The following MYT1 variants were observed in gnomAD, a reference collection of about 807,000 sequenced individuals.
MYT1 encodes the protein myelin transcription factor 1.
A neutral mutation model predicts 123.0 loss-of-function variants in MYT1; 23 were observed. The ratio of observed to expected loss-of-function variants is 0.19; its 90% CI spans 0.13 to 0.26. The LOEUF is 0.26. Ranked by LOEUF, MYT1 falls within the 10% of genes least tolerant of loss-of-function variation. The pLI is 1.00. For synonymous variants in MYT1, 518 were observed against 575.3 expected, an observed-to-expected ratio of 0.90 and a Z score of 1.43; for missense variants, 1,125 against 1,472.5, an observed-to-expected ratio of 0.76 and a Z score of 3.86.
chr20:64,236,731 A>C, intron 20 of MYT1, 85 bp downstream of exon 20: 1 of 1,195,526 alleles, frequency 8.4e-7, no homozygotes, highest in East Asian at 2.3e-5. Context: ...TGGTGGGAAG[A>C]AGGTTAGGGA....
Position 64,186,960 on chromosome 20 carries a change from C to T in MYT1, c.-98-3103C>T, listed in dbSNP as rs1171124681. 6.8e-6 allele frequency among the ~76,000 whole-genome samples: 1 copy of T among 148,024 alleles called. No individual in the cohort carries two copies. Among genetic ancestry groups the T allele is most frequent in the East Asian group, 2.0e-4 (1 of 4,932 alleles). ...TCCTGTAGCACGTGGCTCCGGCATC[C>T]ACGTTTCCGTGGAGAGTTTTCCTGT... On this transcript the variant is annotated intron_variant, in intron 1 of 22. Coordinates refer to ENST00000328439, the MANE Select transcript of MYT1 (RefSeq NM_004535.3). The surrounding 1 kb of genome is among the most constrained non-coding windows in gnomAD (Gnocchi z 4.3).
At chr20:64,227,619 A>C (rs1226511569) in intron 17 of MYT1, 142 bp downstream of exon 17, 1 of 875,342 alleles carries the variant, frequency 1.1e-6, no homozygotes, top group East Asian at 2.7e-5. Context: ...CCATTTCCAG[A>C]ACCTGATTAA....
chr20:64,201,884 C>CTGTCGGGAACCTCTGCG (rs1983314627), intron 4 of MYT1, among the ~76,000 whole-genome samples: 1 of 140,454 alleles, frequency 7.1e-6, no homozygotes, highest in African/African-American at 3.0e-5. Flanking sequence ...ACAGAGTCAC[C>CTGTCGGGAACCTCTGCG]TGTCGGGAAC....
intron 18 of MYT1, 113 bp downstream of exon 18, chr20:64,228,084 C>G: frequency 1.0e-6 from 1 of 985,948 alleles, no homozygotes; most frequent in Non-Finnish European, 1.5e-6. Context: ...CAACGGGTCA[C>G]CTAACTGACC....
At chr20:64,223,797 G>A (rs1297682871) in intron 16 of MYT1, among the ~76,000 whole-genome samples, 2 of 152,160 alleles carry the variant, frequency 1.3e-5, no homozygotes, top group African/African-American at 4.8e-5. Context: ...TGAACTGAAC[G>A]CTGATAATGA....
intron 18 of MYT1, among the ~76,000 whole-genome samples, chr20:64,229,304 T>C (rs1984258666): frequency 6.6e-6 from 1 of 152,258 alleles, no homozygotes; most frequent in African/African-American, 2.4e-5. Flanking sequence ...AACACCTTTA[T>C]GGATTTGGCA....
intron 16 of MYT1, among the ~76,000 whole-genome samples, chr20:64,225,517 C>T (rs1201127907): frequency 1.3e-5 from 2 of 152,248 alleles, no homozygotes; most frequent in Non-Finnish European, 2.9e-5. Flanking sequence ...CAACCACACA[C>T]ACCTGCCAGG....
At position 64,186,432 on chromosome 20, in the gene MYT1, G is replaced by A. The variant is rs146881871; in HGVS notation, c.-98-3631G>A. 2.3e-4 allele frequency among the ~76,000 whole-genome samples: 35 copies of A among 152,312 alleles called. No individual in the cohort carries two copies. Among genetic ancestry groups the A allele is most frequent in the Admixed American group, 1.9e-3 (29 of 15,298 alleles). ...CTCAATAACCCAAGAGAACAGGCTC[G>A]TCTGGATGAAAACCTCCACTTCACT... On this transcript the variant is annotated intron_variant, in intron 1 of 22. Transcript: ENST00000328439. This position sits in a 1 kb window ranked among gnomAD's most constrained non-coding sequence, Gnocchi z 4.3.
rs1007638722 is a variant in MYT1, at chr20:64,191,752, G to T, written c.-1+1592G>T. 1 of 152,200 alleles carries T rather than the reference G, an allele frequency of 6.6e-6. No individual in the cohort carries two copies. Among genetic ancestry groups the T allele is most frequent in the Non-Finnish European group, 1.5e-5 (1 of 68,032 alleles). The allele number at this position is 152,200 out of a possible 1,614,324, so 9.4% of individuals were successfully genotyped here. ...ATCAGTGCTCTGCTGATCCATGTTG[G>T]AGCCTGGGGCACAAGGAAGAGTCAG... On this transcript the variant is annotated intron_variant, in intron 2 of 22. Coordinates refer to ENST00000328439, the MANE Select transcript of MYT1 (RefSeq NM_004535.3). The surrounding 1 kb of genome is among the most constrained non-coding windows in gnomAD (Gnocchi z 4.1).
rs1336259892 is a variant in MYT1, at chr20:64,166,568, G to T, written c.-99+1829G>T. The stretch of plus-strand genomic sequence containing the variant: ...TTCAGAGACCCGAGGCAGGGGGGCT[G>T]CTTCTGTCCAAAGTGCCACTCGAGG... On this transcript the variant is annotated intron_variant, in intron 1 of 22. Transcript: ENST00000328439. This position sits in a 1 kb window ranked among gnomAD's most constrained non-coding sequence, Gnocchi z 4.9. 2.0e-5 allele frequency among the ~76,000 whole-genome samples: 3 copies of T among 152,186 alleles called. No homozygotes were observed. The highest frequency in any genetic ancestry group is 2.9e-5 in the Non-Finnish European group (2 of 68,026).
chr20:64,202,134 TG>T lies in MYT1; in HGVS notation c.86+2213del, dbSNP rs1425021167. On this transcript the variant is annotated intron_variant, in intron 4 of 22. Coordinates refer to ENST00000328439, the MANE Select transcript of MYT1 (RefSeq NM_004535.3). The surrounding 1 kb of genome is among the most constrained non-coding windows in gnomAD (Gnocchi z 5.0). ...TGGCTCAGAACTTCACAGCCTGCAG[TG>T]CCCCTAACCCCAGCTCGCCTCCCCA... is the stretch of plus-strand genomic sequence containing the variant. Among the ~76,000 whole-genome samples the T allele has an allele frequency of 6.6e-6, 1 of 152,190 alleles. No individual in the cohort carries two copies. The highest frequency in any genetic ancestry group is 1.5e-5 in the Non-Finnish European group (1 of 68,036).
At chr20:64,222,387 GCCCTCT>G (rs2145725738) in intron 14 of MYT1, among the ~76,000 whole-genome samples, 1 of 152,336 alleles carries the variant, frequency 6.6e-6, no homozygotes, top group East Asian at 1.9e-4. Flanking sequence ...CAGAGGCCTG[GCCCTCT>G]CCCTGAGGCC....
chr20:64,215,716 C>G (rs1193651623), intron 10 of MYT1, among the ~76,000 whole-genome samples: 1 of 151,720 alleles, frequency 6.6e-6, no homozygotes, highest in Non-Finnish European at 1.5e-5. Context: ...TCCCGAGTAC[C>G]TAGGAATACA....
chr20:64,227,308 G>A (rs774357140), intron 16 of MYT1, 107 bp from the exon 17 acceptor site: 16 of 932,228 alleles, frequency 1.7e-5, no homozygotes, highest in East Asian at 2.6e-5. Context: ...GTGGGTGGGC[G>A]CACTCAAGGG....
At position 64,205,116 on chromosome 20, in the gene MYT1, C is replaced by A. The variant is rs769950194; in HGVS notation, c.149+19C>A. On this transcript the variant is annotated intron_variant, in intron 5 of 22. Transcript: ENST00000328439. ...ACCGAAGGTAAGAGGACCCTTGGAT[C>A]TCACGGAGATTCCTGGGCGGTAGAT... The A allele has an allele frequency of 1.9e-6, 3 of 1,613,656 alleles. No individual in the cohort carries two copies. In the South Asian group the frequency reaches 3.3e-5, roughly 18 times the overall value.
intron 13 of MYT1, among the ~76,000 whole-genome samples, chr20:64,221,432 G>C (rs113928250): frequency 6.6e-6 from 1 of 152,216 alleles, no homozygotes; most frequent in Non-Finnish European, 1.5e-5. Flanking sequence ...AGGTGGTTTC[G>C]AGGTTACTGC....
At chr20:64,207,146 A>G (rs978447793) in intron 6 of MYT1, among the ~76,000 whole-genome samples, 1 of 152,138 alleles carries the variant, frequency 6.6e-6, no homozygotes, top group African/African-American at 2.4e-5. Context: ...GGCCTCCCAA[A>G]GTCCTGGGAT....
intron 19 of MYT1, among the ~76,000 whole-genome samples, chr20:64,235,785 T>C (rs1280119348): frequency 0.014 from 490 of 34,196 alleles, 14 homozygotes; most frequent in African/African-American, 0.024. Flanking sequence ...CTGGGATGGC[T>C]GTGGTGGGTG....
In MYT1 at chr20:64,213,448, C is replaced by A. The variant is rs570841445; in HGVS notation, c.1518-86C>A. 1.4e-5 allele frequency: 14 copies of A among 997,972 alleles called. No individual in the cohort carries two copies. In the South Asian group the frequency reaches 1.9e-4, roughly 14 times the overall value. 61.8% of individuals were successfully genotyped at this position (997,972 alleles called of 1,614,324 possible). ...GAGTTCTCACATCTGAATGACCTTGCCGTGAGACACCCACACACACAGACA... is the reference window on the plus strand; with the variant it reads ...GAGTTCTCACATCTGAATGACCTTGACGTGAGACACCCACACACACAGACA... On this transcript the variant is annotated intron_variant, in intron 9 of 22. Transcript: ENST00000328439. This position sits in a 1 kb window ranked among gnomAD's most constrained non-coding sequence, Gnocchi z 5.6.
Sources: allele counts gnomAD v4.1 joint callset (sites outside exome capture counted in the v4.1 genomes callset), GRCh38; gene constraint gnomAD v4.1.1; non-coding constraint Gnocchi (gnomAD v3.1); transcripts MANE v1.5; gene names NCBI Gene and HGNC (gene_info 2026-07-23, HGNC 2026-07-21).